Variants in FBXW7 observed in about 807,000 individuals in gnomAD.
FBXW7 encodes F-box and WD repeat domain containing 7, also known as F-box/WD repeat-containing protein 7.
In FBXW7, 11 loss-of-function variants were observed where a neutral mutation model predicts 86.3. That is an observed-to-expected ratio of 0.13 (90% CI 0.08 to 0.21). FBXW7 has a LOEUF of 0.21. FBXW7 is among the 10% of genes least tolerant of loss of function. FBXW7 has a pLI of 1.00. For missense variants in FBXW7, 488 were observed against 847.4 expected (o/e 0.58, Z 5.27); for synonymous variants, 313 against 297.9 (o/e 1.05, Z -0.52).
intron 2 of FBXW7, among the ~76,000 whole-genome samples, chr4:152,498,764 G>A (rs983338753): frequency 1.2e-4 from 18 of 152,080 alleles, no homozygotes; most frequent in Admixed American, 4.6e-4. Context: ...AACAATAGTG[G>A]AGCTCAAGCC....
In FBXW7 at chr4:152,457,392, C is replaced by T. The variant is rs151079389; in HGVS notation, c.-119-44863G>A. On this transcript the variant is annotated intron_variant, in intron 2 of 13. Transcript: ENST00000281708. ...GTGCAGTGGCTCACGCCTGTAATCC[C>T]AGCACTCTGGGAGGCCGAGGCAGGC... 5.9e-3 allele frequency among the ~76,000 whole-genome samples: 892 copies of T among 152,270 alleles called. 7 individuals are homozygous for T. The highest frequency in any genetic ancestry group is 0.02 in the African/African-American group (840 of 41,550).
intron 2 of FBXW7, among the ~76,000 whole-genome samples, chr4:152,480,478 TG>T (rs1481009364): frequency 1.3e-5 from 2 of 152,034 alleles, no homozygotes; most frequent in Non-Finnish European, 2.9e-5. Context: ...GGCCTCTAAG[TG>T]TTGGAGTGAA....
rs1415174670 is a variant in FBXW7, at chr4:152,409,681, A to G, written c.501+1622T>C. 2.0e-5 allele frequency among the ~76,000 whole-genome samples: 3 copies of G among 152,194 alleles called. No homozygotes were observed. In the East Asian group the frequency reaches 5.8e-4, roughly 29 times the overall value. ...GGCAGATCATCTCATGATCAACAAT[A>G]TATCAAAAACTATACATACACACTT... On this transcript the variant is annotated intron_variant, in intron 4 of 13. Coordinates refer to ENST00000281708, the MANE Select transcript of FBXW7 (RefSeq NM_001349798.2).
At chr4:152,516,867 C>T (rs1748542664) in intron 2 of FBXW7, among the ~76,000 whole-genome samples, 1 of 152,068 alleles carries the variant, frequency 6.6e-6, no homozygotes, top group African/African-American at 2.4e-5. Context: ...ATTTTGTCAC[C>T]CAGGCTGGAC....
chr4:152,362,283 G>A (rs539316741), intron 4 of FBXW7, among the ~76,000 whole-genome samples: 1 of 152,046 alleles, frequency 6.6e-6, no homozygotes, highest in Non-Finnish European at 1.5e-5. Flanking sequence ...AAGTTTATGA[G>A]TCAATGTATG....
intron 4 of FBXW7, among the ~76,000 whole-genome samples, chr4:152,358,732 C>T (rs1194067639): frequency 6.6e-6 from 1 of 152,060 alleles, no homozygotes; most frequent in East Asian, 1.9e-4. Flanking sequence ...TTTTATAAAA[C>T]AGTAATGATA....
chr4:152,421,548 G>A (rs1157180407), intron 2 of FBXW7, among the ~76,000 whole-genome samples: 2 of 151,820 alleles, frequency 1.3e-5, no homozygotes, highest in South Asian at 2.1e-4. Context: ...TTAAACATAC[G>A]AAAAAGTGAA....
chr4:152,488,322 T>C (rs1207594092), intron 2 of FBXW7, among the ~76,000 whole-genome samples: 1 of 152,092 alleles, frequency 6.6e-6, no homozygotes, highest in Non-Finnish European at 1.5e-5. Flanking sequence ...CTATAATCTA[T>C]TTGTAAAAAC....
At chr4:152,452,921 G>A (rs1217284698) in intron 2 of FBXW7, among the ~76,000 whole-genome samples, 18 of 152,172 alleles carry the variant, frequency 1.2e-4, no homozygotes, top group Admixed American at 2.6e-4. Context: ...AGTGGCTCAC[G>A]CCTGTAATCC....
intron 4 of FBXW7, among the ~76,000 whole-genome samples, chr4:152,385,763 TA>T (rs1735473869): frequency 1.3e-5 from 2 of 152,096 alleles, no homozygotes; most frequent in Middle Eastern, 3.4e-3. Flanking sequence ...TTTAAATCAG[TA>T]AATAGCTGCC....
intron 2 of FBXW7, among the ~76,000 whole-genome samples, chr4:152,507,008 G>T (rs541713169): frequency 1.3e-5 from 2 of 152,252 alleles, no homozygotes; most frequent in South Asian, 4.1e-4. Context: ...CAAATATCTA[G>T]GATCTGATGG....
At chr4:152,407,483 A>G (rs1048566367) in intron 4 of FBXW7, among the ~76,000 whole-genome samples, 2 of 152,196 alleles carry the variant, frequency 1.3e-5, no homozygotes, top group South Asian at 2.1e-4. Context: ...AGAAGCTATC[A>G]TTCTCTAGAA....
chr4:152,337,752 G>T, intron 7 of FBXW7, 50 bp downstream of exon 7: 1 of 1,553,210 alleles, frequency 6.4e-7, no homozygotes, highest in Non-Finnish European at 8.7e-7. Flanking sequence ...TAGCTGTTGA[G>T]TTATATATTC....
chr4:152,406,736 T>C (rs1434971732), intron 4 of FBXW7, among the ~76,000 whole-genome samples: 1 of 152,170 alleles, frequency 6.6e-6, no homozygotes, highest in Non-Finnish European at 1.5e-5. Context: ...GACTTCAAAA[T>C]TTATGTCTAT....
At chr4:152,530,572 T>C (rs1033202339) in intron 2 of FBXW7, 1 of 152,186 alleles carries the variant, frequency 6.6e-6, no homozygotes, top group African/African-American at 2.4e-5. Flanking sequence ...CGACCCTCAA[T>C]CCATAGTTTT....
intron 4 of FBXW7, among the ~76,000 whole-genome samples, chr4:152,367,608 T>C (rs1327650121): frequency 6.6e-6 from 1 of 152,156 alleles, no homozygotes. Flanking sequence ...TTTTTAACAA[T>C]AGATACATTT....
chr4:152,493,035 A>G (rs576988215), intron 2 of FBXW7, among the ~76,000 whole-genome samples: 2 of 151,892 alleles, frequency 1.3e-5, no homozygotes, highest in African/African-American at 4.8e-5. Flanking sequence ...AAAATACCAA[A>G]GGACCAAGAC....
At chr4:152,408,261 T>G (rs1191247171) in intron 4 of FBXW7, among the ~76,000 whole-genome samples, 3 of 152,202 alleles carry the variant, frequency 2.0e-5, no homozygotes, top group African/African-American at 7.2e-5. Context: ...GTTTTTCATG[T>G]TAGTAGAAAA....
intron 5 of FBXW7, chr4:152,348,810 G>A: frequency 2.0e-6 from 1 of 507,012 alleles, no homozygotes; most frequent in Non-Finnish European, 3.1e-6. Context: ...GCAAAATGAA[G>A]TGAATAGTTT....
Sources: gnomAD v4.1 joint callset for allele counts (sites outside exome capture counted in the v4.1 genomes callset) on GRCh38, gnomAD v4.1.1 for gene constraint, MANE v1.5 for transcripts, NCBI Gene and HGNC (gene_info 2026-07-23, HGNC 2026-07-21) for gene names.